The following SERINC5 variants were observed in gnomAD, a reference collection of about 807,000 sequenced individuals.
SERINC5 encodes the protein chromosome 5 open reading frame 12.
A neutral mutation model predicts 63.1 loss-of-function variants in SERINC5; 41 were observed. That is an observed-to-expected ratio of 0.65 (90% CI 0.51 to 0.84). The LOEUF (loss-of-function observed/expected upper bound fraction) is 0.84, where lower values mean the gene tolerates loss of function less well. Ranked by LOEUF, SERINC5 falls within the 40% of genes least tolerant of loss-of-function variation. The pLI is 0.00. For synonymous variants in SERINC5, 222 were observed against 215.2 expected, an observed-to-expected ratio of 1.03 and a Z score of -0.28; for missense variants, 523 against 573.0, an observed-to-expected ratio of 0.91 and a Z score of 0.89.
intron 11 of SERINC5, among the ~76,000 whole-genome samples, chr5:80,130,727 CTT>C (rs1744913553): frequency 6.6e-6 from 1 of 152,188 alleles, no homozygotes; most frequent in South Asian, 2.1e-4. Context: ...ACTACGATGT[CTT>C]GTTTTTCACT....
At chr5:80,118,811 C>T (rs758720550) in intron 11 of SERINC5, among the ~76,000 whole-genome samples, 7 of 151,050 alleles carry the variant, frequency 4.6e-5, no homozygotes, top group Non-Finnish European at 1.0e-4. Context: ...AATCCACCCA[C>T]CTCGGCCTCC....
rs540196190 is a variant in SERINC5 at position 80,151,915 on chromosome 5, CCCATGAGGCAACACTGCGCAGTCTCA to C, written c.987-993_987-968del. ...ACACACTCATCTCAATCCAGCGAAC[CCCATGAGGCAACACTGCGCAGTCTCA>C]TCCTCTTTCCCAAGGAGAGAGATCA... On this transcript the variant is annotated intron_variant, in intron 8 of 11. Coordinates refer to ENST00000507668, the MANE Select transcript of SERINC5 (RefSeq NM_001174072.3). 4.5e-3 allele frequency among the ~76,000 whole-genome samples: 678 copies of C among 152,202 alleles called. 12 individuals are homozygous for C. The highest frequency in any genetic ancestry group is 2.1e-3 in the Non-Finnish European group (145 of 68,020).
intron 5 of SERINC5, among the ~76,000 whole-genome samples, chr5:80,170,763 C>A (rs550992147): frequency 6.6e-6 from 1 of 152,270 alleles, no homozygotes; most frequent in East Asian, 1.9e-4. Flanking sequence ...CACCTGTAAT[C>A]CCAGCACTTT....
chr5:80,196,811 G>A (rs1168413070), intron 2 of SERINC5, among the ~76,000 whole-genome samples: 2 of 151,846 alleles, frequency 1.3e-5, no homozygotes, highest in South Asian at 2.1e-4. Context: ...CTGGTAGTGC[G>A]CGCCTGTAAT....
intron 1 of SERINC5, among the ~76,000 whole-genome samples, chr5:80,232,708 C>T (rs1209604203): frequency 4.0e-5 from 6 of 151,754 alleles, no homozygotes; most frequent in Admixed American, 3.9e-4. Context: ...CACTTGAACC[C>T]AGGAGGCAGA....
At chr5:80,137,159 A>AC (rs1272721225), downstream of SERINC5, among the ~76,000 whole-genome samples, 2 of 104,834 alleles carry the variant, frequency 1.9e-5, no homozygotes, top group Admixed American at 9.6e-5. Flanking sequence ...AAAAAAAAAA[A>AC]AAAACAAAAA....
chr5:80,120,767 T>G (rs1250523919), intron 11 of SERINC5, among the ~76,000 whole-genome samples: 2 of 152,050 alleles, frequency 1.3e-5, no homozygotes, highest in African/African-American at 2.4e-5. Flanking sequence ...TGAGCCGAGT[T>G]TCAGGCTGCA....
chr5:80,230,719 T>C (rs1246716688), intron 1 of SERINC5, among the ~76,000 whole-genome samples: 1 of 152,198 alleles, frequency 6.6e-6, no homozygotes, highest in Non-Finnish European at 1.5e-5. Flanking sequence ...AGGAAATAAA[T>C]TGCCCAAGGT....
chr5:80,139,785 G>A lies in SERINC5; in HGVS notation c.*3878C>T. Reference sequence around the variant, plus strand: ...TACTGCATTGTCCCTGAAGAAGGAGGGCCCAGTGTTCTTTCTGGGTGTGTA... The same window carrying A: ...TACTGCATTGTCCCTGAAGAAGGAGAGCCCAGTGTTCTTTCTGGGTGTGTA... On this transcript the variant is annotated 3_prime_UTR_variant, in exon 12 of 12. Transcript: ENST00000507668. 6 of 985,394 alleles carry A rather than the reference G, an allele frequency of 6.1e-6. No individual in the cohort carries two copies. The highest frequency in any genetic ancestry group is 6.0e-6 in the Non-Finnish European group (5 of 829,934). 61.0% of individuals were successfully genotyped at this position (985,394 alleles called of 1,614,324 possible). A position where few individuals can be genotyped will look rare whatever the true frequency, so the allele number is the denominator to read the frequency against.
chr5:80,220,445 C>A (rs1427340973), intron 1 of SERINC5, among the ~76,000 whole-genome samples: 1 of 152,172 alleles, frequency 6.6e-6, no homozygotes, highest in Admixed American at 6.5e-5. Flanking sequence ...GTAGGCTGTT[C>A]AGGAAACAGA....
chr5:80,207,754 C>A (rs1275786014), intron 1 of SERINC5, among the ~76,000 whole-genome samples: 3 of 152,188 alleles, frequency 2.0e-5, no homozygotes, highest in Non-Finnish European at 4.4e-5. Flanking sequence ...GCCTTTCTTA[C>A]TAGCCCAAAA....
intron 1 of SERINC5, among the ~76,000 whole-genome samples, chr5:80,228,218 G>A (rs1194551941): frequency 7.4e-6 from 1 of 135,856 alleles, no homozygotes; most frequent in African/African-American, 2.7e-5. Context: ...CTGGGCAGCA[G>A]AGTGAGTGAG....
chr5:80,240,534 T>C (rs1292136196), intron 1 of SERINC5, among the ~76,000 whole-genome samples: 2 of 152,238 alleles, frequency 1.3e-5, no homozygotes, highest in East Asian at 3.8e-4. Context: ...CTGCTTAATG[T>C]GGTAATTTTT....
Position 80,233,805 on chromosome 5 carries a change from C to CCTTTTTTTTTTTTTTTTTTTTTT in SERINC5, c.27+22090_27+22091insAAAAAAAAAAAAAAAAAAAAAAG, listed in dbSNP as rs1554071351. On this transcript the variant is annotated intron_variant, in intron 1 of 11. Transcript: ENST00000507668. ...TATTTTATAGATCTTTCAACTTTTA[C>CCTTTTTTTTTTTTTTTTTTTTTT]TTTTTTTTTTTTTTTTTTTTTTTTG... is the stretch of plus-strand genomic sequence containing the variant. Among the ~76,000 whole-genome samples, 2 of 69,950 alleles carry CCTTTTTTTTTTTTTTTTTTTTTT rather than the reference C, an allele frequency of 2.9e-5. 1 individual carries two copies. The allele number at this position is 69,950 out of a possible 152,430, so 45.9% of individuals were successfully genotyped here. A position where few individuals can be genotyped will look rare whatever the true frequency, so the allele number is the denominator to read the frequency against.
intron 1 of SERINC5, among the ~76,000 whole-genome samples, chr5:80,237,913 G>A (rs552523452): frequency 1.3e-5 from 2 of 151,792 alleles, no homozygotes; most frequent in Admixed American, 1.3e-4. Flanking sequence ...GACCATCCTG[G>A]CCAACATGGT....
intron 6 of SERINC5, among the ~76,000 whole-genome samples, chr5:80,168,588 T>C (rs895212982): frequency 1.3e-5 from 2 of 152,148 alleles, no homozygotes; most frequent in Non-Finnish European, 2.9e-5. Flanking sequence ...AGAACCTGAA[T>C]GTCATGTGCA....
rs1747932143 is a variant in SERINC5 at position 80,174,953 on chromosome 5, C to A, written c.551+1G>T. Reference sequence around the variant, plus strand: ...GGGAAGCTTTCCATAAAGGCACACACCAGTTCTTGTTCCACTTATGTGCAA... The same window carrying A: ...GGGAAGCTTTCCATAAAGGCACACAACAGTTCTTGTTCCACTTATGTGCAA... On this transcript the variant is annotated splice_donor_variant, in intron 5 of 11. Coordinates refer to ENST00000507668, the MANE Select transcript of SERINC5 (RefSeq NM_001174072.3). LOFTEE classifies it high-confidence loss of function. The A allele has an allele frequency of 6.3e-7, 1 of 1,590,754 alleles. No individual in the cohort carries two copies. The highest frequency in any genetic ancestry group is 1.8e-5 in the Admixed American group (1 of 57,042).
intron 1 of SERINC5, among the ~76,000 whole-genome samples, chr5:80,227,408 T>A (rs1751217227): frequency 6.6e-6 from 1 of 152,142 alleles, no homozygotes. Flanking sequence ...CCTGTGCTGC[T>A]ATGGTGCCGT....
intron 11 of SERINC5, among the ~76,000 whole-genome samples, chr5:80,116,931 T>G (rs1344093251): frequency 6.6e-6 from 1 of 151,842 alleles, no homozygotes. Context: ...CAGGTTCAAC[T>G]GATTCTCCTG....
Sources: gnomAD v4.1 joint callset for allele counts (sites outside exome capture counted in the v4.1 genomes callset) on GRCh38, gnomAD v4.1.1 for gene constraint, MANE v1.5 for transcripts, NCBI Gene and HGNC (gene_info 2026-07-23, HGNC 2026-07-21) for gene names.